The following SPECC1 variants were observed in gnomAD, a reference collection of about 807,000 sequenced individuals.
SPECC1 encodes sperm antigen with calponin homology and coiled-coil domains 1.
A neutral mutation model predicts 104.1 loss-of-function variants in SPECC1; 62 were observed. The observed-to-expected ratio is 0.60, with a 90% CI of 0.49 to 0.74. The LOEUF (loss-of-function observed/expected upper bound fraction) is 0.74, where lower values mean the gene tolerates loss of function less well. Ranked by LOEUF, SPECC1 falls within the 30% of genes least tolerant of loss-of-function variation. SPECC1 has a pLI of 0.00. For missense variants in SPECC1, 1,306 were observed against 1,310.5 expected, an observed-to-expected ratio of 1.00 and a Z score of 0.05; for synonymous variants, 513 against 501.6, an observed-to-expected ratio of 1.02 and a Z score of -0.30.
intron 9 of SPECC1, among the ~76,000 whole-genome samples, chr17:20,252,586 T>C (rs1221786605): frequency 6.6e-6 from 1 of 152,192 alleles, no homozygotes; most frequent in African/African-American, 2.4e-5. Context: ...TTGACTACTT[T>C]AGATTCCTCA....
At chr17:20,198,698 A>G (rs1597949863) in intron 3 of SPECC1, among the ~76,000 whole-genome samples, 1 of 152,206 alleles carries the variant, frequency 6.6e-6, no homozygotes, top group East Asian at 1.9e-4. Flanking sequence ...TTGGACCTCT[A>G]ACCCTTGCCT....
intron 7 of SPECC1, among the ~76,000 whole-genome samples, chr17:20,240,069 T>TA (rs1385167353): frequency 9.7e-6 from 1 of 103,234 alleles, no homozygotes; most frequent in Non-Finnish European, 2.0e-5. Flanking sequence ...AATTTTTTTT[T>TA]TTTTTTTTTT....
At chr17:20,294,579 G>A (rs1377224394) in intron 12 of SPECC1, among the ~76,000 whole-genome samples, 1 of 151,912 alleles carries the variant, frequency 6.6e-6, no homozygotes, top group African/African-American at 2.4e-5. Context: ...GATGGTGGTA[G>A]TGATGACGGT....
chr17:20,243,104 T>C (rs911198958), intron 7 of SPECC1, among the ~76,000 whole-genome samples: 24 of 152,296 alleles, frequency 1.6e-4, no homozygotes, highest in African/African-American at 5.3e-4. Flanking sequence ...AACAGTCATG[T>C]TTACAAAAGC....
At chr17:20,056,874 T>A (rs1176486726) in intron 1 of SPECC1, among the ~76,000 whole-genome samples, 1 of 152,076 alleles carries the variant, frequency 6.6e-6, no homozygotes, top group Non-Finnish European at 1.5e-5. Context: ...ATAGGAGAGA[T>A]CTTATTGTTG....
At chr17:20,177,106 A>G (rs1320325079) in intron 3 of SPECC1, among the ~76,000 whole-genome samples, 2 of 152,226 alleles carry the variant, frequency 1.3e-5, no homozygotes, top group East Asian at 3.9e-4. Flanking sequence ...TAAAGGATGA[A>G]GAGGCCAGGG....
In SPECC1 at chr17:20,082,255, C is replaced by T. The variant is rs144385868; in HGVS notation, c.-21-14376C>T. On this transcript the variant is annotated intron_variant, in intron 1 of 14. Transcript: ENST00000395527. ...TCAGAGTTGTATTAGTCTGCTTGGT[C>T]GCTCACAACAAAGTAACACAGACTG... is the stretch of plus-strand genomic sequence containing the variant. Among the ~76,000 whole-genome samples, 101 of 152,254 alleles carry T rather than the reference C, an allele frequency of 6.6e-4. 1 individual carries two copies. The highest frequency in any genetic ancestry group is 7.7e-4 in the East Asian group (4 of 5,186).
At chr17:20,084,408 C>G (rs2047099387) in intron 1 of SPECC1, among the ~76,000 whole-genome samples, 1 of 152,096 alleles carries the variant, frequency 6.6e-6, no homozygotes, top group African/African-American at 2.4e-5. Context: ...GCACTCCAGC[C>G]TGGGCGACAA....
At chr17:20,228,518 G>T (rs574841506) in intron 5 of SPECC1, among the ~76,000 whole-genome samples, 1 of 152,298 alleles carries the variant, frequency 6.6e-6, no homozygotes, top group East Asian at 1.9e-4. Flanking sequence ...GTAGGAGAAG[G>T]TTATTCAGAA....
At chr17:20,283,389 G>A (rs577288678) in intron 12 of SPECC1, among the ~76,000 whole-genome samples, 3 of 152,220 alleles carry the variant, frequency 2.0e-5, no homozygotes, top group African/African-American at 2.4e-5. Flanking sequence ...AAACCACCCC[G>A]AAACAGTGGA....
chr17:20,015,112 C>G (rs187216200), intron 1 of SPECC1, among the ~76,000 whole-genome samples: 69 of 152,168 alleles, frequency 4.5e-4, no homozygotes, highest in Non-Finnish European at 5.7e-4. Flanking sequence ...TTTGGTAGTC[C>G]GTTTCATTCT....
At chr17:20,077,381 GGATTATTT>G (rs2046799188) in intron 1 of SPECC1, among the ~76,000 whole-genome samples, 1 of 151,912 alleles carries the variant, frequency 6.6e-6, no homozygotes, top group African/African-American at 2.4e-5. Context: ...TGATTTTTCT[GGATTATTT>G]GATTATTTAT....
chr17:20,103,232 TC>T (rs1256614438), intron 2 of SPECC1, among the ~76,000 whole-genome samples: 2 of 152,088 alleles, frequency 1.3e-5, no homozygotes, highest in African/African-American at 2.4e-5. Flanking sequence ...CCAGAATGCC[TC>T]CCTGCCCTCT....
At chr17:20,271,897 G>T (rs1038146561) in intron 12 of SPECC1, among the ~76,000 whole-genome samples, 5 of 151,756 alleles carry the variant, frequency 3.3e-5, no homozygotes, top group Admixed American at 2.6e-4. Context: ...AAGATTTTAG[G>T]TCAGAAATTA....
chr17:20,106,557 G>C (rs1420045319), intron 2 of SPECC1, among the ~76,000 whole-genome samples: 2 of 152,162 alleles, frequency 1.3e-5, no homozygotes, highest in Non-Finnish European at 2.9e-5. Flanking sequence ...GGGATCTGGT[G>C]GGAGGTAATT....
intron 1 of SPECC1, among the ~76,000 whole-genome samples, chr17:20,080,393 G>A (rs1300659392): frequency 6.6e-6 from 1 of 152,096 alleles, no homozygotes; most frequent in Non-Finnish European, 1.5e-5. Flanking sequence ...TTAATTACAA[G>A]CGTGAGATAA....
intron 3 of SPECC1, among the ~76,000 whole-genome samples, chr17:20,138,153 G>A (rs1174594541): frequency 6.6e-6 from 1 of 151,980 alleles, no homozygotes; most frequent in Non-Finnish European, 1.5e-5. Context: ...TTGTAGAGAT[G>A]GGGTGTCACT....
At chr17:20,035,426 T>A (rs1216772768) in intron 1 of SPECC1, among the ~76,000 whole-genome samples, 54 of 152,236 alleles carry the variant, frequency 3.5e-4, no homozygotes, top group Non-Finnish European at 6.6e-4. Context: ...CATGGTATAT[T>A]TCACGCTATT....
At chr17:20,099,410 C>T (rs2047811922) in intron 2 of SPECC1, among the ~76,000 whole-genome samples, 1 of 148,706 alleles carries the variant, frequency 6.7e-6, no homozygotes, top group Admixed American at 6.8e-5. Flanking sequence ...CTCGGCCGGG[C>T]AGGGTGGCTT....
Sources: gnomAD v4.1 joint callset for allele counts (sites outside exome capture counted in the v4.1 genomes callset) on GRCh38, gnomAD v4.1.1 for gene constraint, MANE v1.5 for transcripts, NCBI Gene and HGNC (gene_info 2026-07-23, HGNC 2026-07-21) for gene names.